METTL16: variants seen among roughly 807,000 people sequenced by gnomAD.
METTL16 encodes the protein RNA N(6)-adenosine-methyltransferase METTL16.
Under a neutral mutation model 57.9 loss-of-function variants are expected in METTL16, and 19 were observed. The observed-to-expected ratio is 0.33, with a 90% confidence interval of 0.23 to 0.48. METTL16 has a LOEUF of 0.48. Ranked by LOEUF, METTL16 falls within the 20% of genes least tolerant of loss-of-function variation. The pLI, the probability that METTL16 is intolerant of heterozygous loss-of-function variation, is 0.99. For missense variants in METTL16, 434 were observed against 691.5 expected (o/e 0.63, Z 4.18); for synonymous variants, 246 against 255.6 (o/e 0.96, Z 0.36).
At chr17:2,461,287 G>T (rs2067148243) in intron 6 of METTL16, among the ~76,000 whole-genome samples, 1 of 152,128 alleles carries the variant, frequency 6.6e-6, no homozygotes, top group Admixed American at 6.6e-5. Context: ...AAACTGGGAA[G>T]CAGACAGAGG....
chr17:2,467,029 C>T (rs1416288663), intron 5 of METTL16, among the ~76,000 whole-genome samples: 1 of 151,800 alleles, frequency 6.6e-6, no homozygotes, highest in African/African-American at 2.4e-5. Context: ...TGGTTTTGAA[C>T]TCCGAGCTCA....
intron 6 of METTL16, among the ~76,000 whole-genome samples, chr17:2,449,454 T>C (rs1278024522): frequency 1.3e-5 from 2 of 152,158 alleles, no homozygotes; most frequent in African/African-American, 2.4e-5. Context: ...GCAATCCTCC[T>C]GCCTCAGCCT....
At chr17:2,484,356 T>C (rs2067326719) in intron 2 of METTL16, among the ~76,000 whole-genome samples, 1 of 152,186 alleles carries the variant, frequency 6.6e-6, no homozygotes, top group South Asian at 2.1e-4. Context: ...TGAGGTAACC[T>C]AAACATACGG....
intron 5 of METTL16, among the ~76,000 whole-genome samples, chr17:2,465,320 G>A (rs538993055): frequency 6.6e-6 from 1 of 151,728 alleles, no homozygotes; most frequent in East Asian, 1.9e-4. Context: ...GAGGCGGGAG[G>A]ATCACGAGGT....
chr17:2,505,823 A>C (rs956741473), intron 1 of METTL16, among the ~76,000 whole-genome samples: 4 of 151,578 alleles, frequency 2.6e-5, no homozygotes, highest in East Asian at 3.9e-4. Flanking sequence ...TCAAAACCTT[A>C]CTCTTAGGAT....
At chr17:2,447,730 A>G (rs1295295342) in intron 6 of METTL16, among the ~76,000 whole-genome samples, 565 of 107,978 alleles carry the variant, frequency 5.2e-3, no homozygotes, top group East Asian at 8.3e-3. Flanking sequence ...CCGCCCGGCC[A>G]GCCGCCCAGT....
chr17:2,427,032 G>A (rs554923708), intron 8 of METTL16, among the ~76,000 whole-genome samples: 122 of 151,562 alleles, frequency 8.0e-4, no homozygotes, highest in Non-Finnish European at 1.3e-3. Context: ...AATCCCAGCT[G>A]CTCGGAAGAC....
At chr17:2,511,157 GTTAC>G (rs2067584171) in intron 1 of METTL16, among the ~76,000 whole-genome samples, 1 of 151,258 alleles carries the variant, frequency 6.6e-6, no homozygotes, top group South Asian at 2.1e-4. Flanking sequence ...TTTCTTCCCG[GTTAC>G]TTGAGTCAGT....
intron 8 of METTL16, among the ~76,000 whole-genome samples, chr17:2,427,618 ATTTTT>A (rs2066829250): frequency 6.6e-6 from 1 of 151,938 alleles, no homozygotes; most frequent in South Asian, 2.1e-4. Context: ...GGATTCTTTT[ATTTTT>A]TTAAGAGATA....
At chr17:2,505,636 C>T (rs1304787922) in intron 1 of METTL16, among the ~76,000 whole-genome samples, 1 of 151,922 alleles carries the variant, frequency 6.6e-6, no homozygotes, top group African/African-American at 2.4e-5. Flanking sequence ...AAGCAATCCT[C>T]CCACCTCGGG....
chr17:2,440,849 A>G (rs1412879877), intron 7 of METTL16, among the ~76,000 whole-genome samples: 1 of 151,708 alleles, frequency 6.6e-6, no homozygotes, highest in Non-Finnish European at 1.5e-5. Flanking sequence ...CCATCTGCCT[A>G]TAGTCCCAGC....
chr17:2,489,384 G>C lies in METTL16; in HGVS notation c.129-11499C>G, dbSNP rs1370854404. On this transcript the variant is annotated intron_variant, in intron 2 of 9. Coordinates refer to ENST00000263092, the MANE Select transcript of METTL16 (RefSeq NM_024086.4). Reference sequence around the variant, plus strand: ...AATACTGTGATTTCGGCCGGGCGCAGTGGCTCACATCTGTAATCCCAGCAC... The same window carrying C: ...AATACTGTGATTTCGGCCGGGCGCACTGGCTCACATCTGTAATCCCAGCAC... Among the ~76,000 whole-genome samples, 6 of 152,104 alleles carry C rather than the reference G, an allele frequency of 3.9e-5. No individual in the cohort carries two copies. The South Asian group carries it at 6.2e-4, about 16-fold the overall frequency.
At chr17:2,426,335 G>A (rs1053467817) in intron 8 of METTL16, among the ~76,000 whole-genome samples, 3 of 152,134 alleles carry the variant, frequency 2.0e-5, no homozygotes, top group African/African-American at 7.2e-5. Flanking sequence ...GCAACTACAG[G>A]TGCACATCAC....
Position 2,479,412 on chromosome 17 carries a change from T to C in METTL16, c.129-1527A>G, listed in dbSNP as rs1276873633. Among the ~76,000 whole-genome samples, 6 of 151,262 alleles carry C rather than the reference T, an allele frequency of 4.0e-5. No homozygotes were observed. In the Admixed American group the frequency reaches 4.0e-4, roughly 10 times the overall value. On this transcript the variant is annotated intron_variant, in intron 2 of 9. Coordinates refer to ENST00000263092, the MANE Select transcript of METTL16 (RefSeq NM_024086.4). ...CTGGTCTTGAACTCCTGGGCCCATG[T>C]AATCCTCCCGCCTCAGCCTAAGTGT...
chr17:2,426,626 G>A (rs1484219707), intron 8 of METTL16, among the ~76,000 whole-genome samples: 1 of 149,960 alleles, frequency 6.7e-6, no homozygotes, highest in Non-Finnish European at 1.5e-5. Context: ...CTACTCGGCA[G>A]GCTGAGGCAG....
chr17:2,463,535 C>G (rs188310057), intron 6 of METTL16, among the ~76,000 whole-genome samples: 1 of 152,230 alleles, frequency 6.6e-6, no homozygotes, highest in African/African-American at 2.4e-5. Context: ...GATCTCGGCT[C>G]ACTGCAACCT....
At chr17:2,453,710 G>A (rs2067088189) in intron 6 of METTL16, among the ~76,000 whole-genome samples, 3 of 152,196 alleles carry the variant, frequency 2.0e-5, no homozygotes, top group Non-Finnish European at 2.9e-5. Context: ...ATTGTTCCAC[G>A]AATCAATTAT....
intron 2 of METTL16, among the ~76,000 whole-genome samples, chr17:2,492,197 C>A (rs1175920694): frequency 4.6e-5 from 7 of 152,104 alleles, no homozygotes; most frequent in Non-Finnish European, 1.0e-4. Context: ...GGCGACAGAG[C>A]AAGACTCCGT....
chr17:2,438,785 C>T (rs1243787283), intron 7 of METTL16, among the ~76,000 whole-genome samples: 2 of 152,166 alleles, frequency 1.3e-5, no homozygotes, highest in African/African-American at 4.8e-5. Flanking sequence ...TGAGCCACCA[C>T]ACCCAGCCTC....
Sources: allele counts gnomAD v4.1 joint callset (sites outside exome capture counted in the v4.1 genomes callset), GRCh38; gene constraint gnomAD v4.1.1; transcripts MANE v1.5; gene names NCBI Gene and HGNC (gene_info 2026-07-23, HGNC 2026-07-21).